The following PAIP2 variants were observed in gnomAD, a reference collection of about 807,000 sequenced individuals.
The protein encoded by PAIP2 is polyadenylate-binding protein-interacting protein 2.
A neutral mutation model predicts 14.8 loss-of-function variants in PAIP2; 7 were observed. The ratio of observed to expected loss-of-function variants is 0.47; its 90% confidence interval spans 0.27 to 0.89. The LOEUF (loss-of-function observed/expected upper bound fraction) is 0.89, where lower values mean the gene tolerates loss of function less well. Ranked by LOEUF, PAIP2 falls within the 40% of genes least tolerant of loss-of-function variation. The pLI is 0.13. For synonymous variants in PAIP2, 47 were observed against 45.3 expected (o/e 1.04, Z -0.15); for missense variants, 122 against 154.7 (o/e 0.79, Z 1.12).
chr5:139,362,327 T>C (rs1757088635), intron 1 of PAIP2, among the ~76,000 whole-genome samples: 1 of 151,678 alleles, frequency 6.6e-6, no homozygotes, highest in African/African-American at 2.4e-5. Flanking sequence ...TTCAAGTGAT[T>C]CTCCCACCTC....
chr5:139,358,316 A>C (rs976909288), intron 1 of PAIP2, among the ~76,000 whole-genome samples: 7 of 152,242 alleles, frequency 4.6e-5, no homozygotes, highest in African/African-American at 1.7e-4. Flanking sequence ...TAAGGCCCTT[A>C]AATGCAATAC....
intron 1 of PAIP2, among the ~76,000 whole-genome samples, chr5:139,361,203 A>G (rs970039691): frequency 1.1e-4 from 17 of 152,074 alleles, no homozygotes; most frequent in African/African-American, 3.4e-4. Flanking sequence ...AGTATCTAGT[A>G]TTTGTCATAT....
At chr5:139,350,940 A>G (rs1218816461) in intron 1 of PAIP2, among the ~76,000 whole-genome samples, 1 of 152,172 alleles carries the variant, frequency 6.6e-6, no homozygotes, top group Non-Finnish European at 1.5e-5. Context: ...GGAGAAATAT[A>G]GATCCTTCAC....
rs1554153573 is a variant in PAIP2, at chr5:139,352,503, T to TTTGTTTTTTTTTG, written c.-27+10525_-27+10526insGTTTTTTTTTGTT. The stretch of plus-strand genomic sequence containing the variant: ...ATTCCTGCCAGTTTTTTTTTTGTTG[T>TTTGTTTTTTTTTG]TTTTTTTTTTTGAGATGGAGTTTCG... On this transcript the variant is annotated intron_variant, in intron 1 of 3. Transcript: ENST00000265192. 2.6e-4 allele frequency among the ~76,000 whole-genome samples: 32 copies of TTTGTTTTTTTTTG among 124,470 alleles called. 1 individual carries two copies. The highest frequency in any genetic ancestry group is 6.4e-4 in the East Asian group (3 of 4,702). The allele number at this position is 124,470 out of a possible 152,430, so 81.7% of individuals were successfully genotyped here.
chr5:139,361,935 CAAAAA>C (rs34168919), intron 1 of PAIP2, among the ~76,000 whole-genome samples: 1 of 100,018 alleles, frequency 1.0e-5, no homozygotes, highest in Admixed American at 1.1e-4. Context: ...GACCCTGTCT[CAAAAA>C]AAAAAAAAAA....
rs1210462946 is a variant in PAIP2, at chr5:139,369,049, T to G, written c.*251T>G. ...AGCAAGGAAAGAAGCACCAGTCAAG[T>G]TGTGAACAAGCACCAAATTAAAAGA... On this transcript the variant is annotated 3_prime_UTR_variant, in exon 4 of 4. Coordinates refer to ENST00000265192, the MANE Select transcript of PAIP2 (RefSeq NM_016480.5). 2 of 361,842 alleles carry G rather than the reference T, an allele frequency of 5.5e-6. No homozygotes were observed. The highest frequency in any genetic ancestry group is 9.4e-5 in the East Asian group (2 of 21,372). 22.4% of individuals were successfully genotyped at this position (361,842 alleles called of 1,614,324 possible).
intron 1 of PAIP2, among the ~76,000 whole-genome samples, chr5:139,362,699 C>T (rs549650152): frequency 9.9e-5 from 15 of 151,414 alleles, no homozygotes; most frequent in South Asian, 2.1e-4. Flanking sequence ...CATGAGCCAC[C>T]GCGCCTGGCC....
At position 139,362,457 on chromosome 5, in the gene PAIP2, C is replaced by T. The variant is rs139542404; in HGVS notation, c.-26-1302C>T. On this transcript the variant is annotated intron_variant, in intron 1 of 3. Transcript: ENST00000265192. ...TGGAGTTTCACTCTTTTTGCCCAGGCTGGAGTGCAACGGCGCAATCTTGGC... is the reference window on the plus strand; with the variant it reads ...TGGAGTTTCACTCTTTTTGCCCAGGTTGGAGTGCAACGGCGCAATCTTGGC... 2.0e-3 allele frequency among the ~76,000 whole-genome samples: 269 copies of T among 134,550 alleles called. 2 individuals are homozygous for T. Among genetic ancestry groups the T allele is most frequent in the East Asian group, 0.015 (72 of 4,666 alleles). The allele number at this position is 134,550 out of a possible 152,430, so 88.3% of individuals were successfully genotyped here.
At position 139,368,816 on chromosome 5, in the gene PAIP2, T is replaced by C; in HGVS notation, c.*18T>C. On this transcript the variant is annotated 3_prime_UTR_variant, in exon 4 of 4. Transcript: ENST00000265192. ...ATATTTGAGTAGACGGGGCCCTCTT[T>C]TGGTGGATGTAGCACAATTTCCACA... 1 of 1,569,960 alleles carries C rather than the reference T, an allele frequency of 6.4e-7. No homozygotes were observed. Among genetic ancestry groups the C allele is most frequent in the Non-Finnish European group, 8.8e-7 (1 of 1,140,128 alleles).
At chr5:139,360,911 G>T (rs1453840203) in intron 1 of PAIP2, among the ~76,000 whole-genome samples, 1 of 151,900 alleles carries the variant, frequency 6.6e-6, no homozygotes, top group African/African-American at 2.4e-5. Flanking sequence ...CTCCCAGATA[G>T]CTGGGATTAT....
chr5:139,363,952 A>G (rs972143090), intron 2 of PAIP2, 30 bp downstream of exon 2: 2 of 1,598,648 alleles, frequency 1.3e-6, no homozygotes, highest in African/African-American at 2.7e-5. Flanking sequence ...ATGTTTTTAT[A>G]GTCCATTCTG....
chr5:139,364,820 A>T, intron 3 of PAIP2, 77 bp downstream of exon 3: 1 of 952,788 alleles, frequency 1.0e-6, no homozygotes, highest in Non-Finnish European at 1.6e-6. Context: ...CCATCTATTT[A>T]AGAATTCTAC....
At chr5:139,349,009 A>G (rs1756645991) in intron 1 of PAIP2, among the ~76,000 whole-genome samples, 1 of 152,216 alleles carries the variant, frequency 6.6e-6, no homozygotes, top group South Asian at 2.1e-4. Context: ...TAAATGGATG[A>G]TAATGTGTAT....
intron 1 of PAIP2, among the ~76,000 whole-genome samples, chr5:139,348,409 C>T (rs981744370): frequency 1.3e-5 from 2 of 150,670 alleles, no homozygotes; most frequent in Non-Finnish European, 3.0e-5. Flanking sequence ...AGTTGGAGTG[C>T]AGTGGCGTAG....
Position 139,364,608 on chromosome 5 carries a change from C to T in PAIP2, c.183C>T (p.Phe61=). 1 of 1,610,448 alleles carries T rather than the reference C, an allele frequency of 6.2e-7. No individual in the cohort carries two copies. Among genetic ancestry groups the T allele is most frequent in the Admixed American group, 1.7e-5 (1 of 59,982 alleles). ...LWEEEFIERC[F]QEMLEEEEEH... Reference sequence around the variant, plus strand: ...AAGAAGAATTTATTGAACGCTGTTTCCAAGAAATGCTGGAAGAGGAAGAAG... The same window carrying T: ...AAGAAGAATTTATTGAACGCTGTTTTCAAGAAATGCTGGAAGAGGAAGAAG... The change falls in exon 3 of 4, where the codon TTC becomes TTT. Residue 61 remains phenylalanine (F), a synonymous_variant. Transcript: ENST00000265192.
At chr5:139,345,520 A>G (rs967024577) in intron 1 of PAIP2, among the ~76,000 whole-genome samples, 7 of 152,210 alleles carry the variant, frequency 4.6e-5, no homozygotes, top group African/African-American at 1.7e-4. Flanking sequence ...AAAATATGCA[A>G]ATAAGGTAAG....
At chr5:139,344,471 A>AT (rs1756476741) in intron 1 of PAIP2, among the ~76,000 whole-genome samples, 1 of 152,026 alleles carries the variant, frequency 6.6e-6, no homozygotes, top group East Asian at 1.9e-4. Context: ...TTTTTTCTTA[A>AT]TTTTTTCATT....
At chr5:139,344,147 A>G (rs2152043003) in intron 1 of PAIP2, among the ~76,000 whole-genome samples, 1 of 152,346 alleles carries the variant, frequency 6.6e-6, no homozygotes, top group East Asian at 1.9e-4. Flanking sequence ...GCCCTACTGT[A>G]AAATGAAGAT....
At chr5:139,367,069 GA>G (rs1339012691) in intron 3 of PAIP2, 1 of 152,166 alleles carries the variant, frequency 6.6e-6, no homozygotes, top group Non-Finnish European at 1.5e-5. Flanking sequence ...CAAAAAAAGA[GA>G]AAAGGAATGC....
Sources: gnomAD v4.1 joint callset for allele counts (sites outside exome capture counted in the v4.1 genomes callset) on GRCh38, gnomAD v4.1.1 for gene constraint, MANE v1.5 for transcripts, NCBI Gene and HGNC (gene_info 2026-07-23, HGNC 2026-07-21) for gene names.